DOCK9: variants seen among roughly 807,000 people sequenced by gnomAD.
DOCK9 encodes the protein dedicator of cytokinesis protein 9.
DOCK9 carries 89 observed loss-of-function variants against 263.3 expected under a neutral mutation model. The observed-to-expected ratio is 0.34, with a 90% confidence interval of 0.28 to 0.40. The LOEUF (loss-of-function observed/expected upper bound fraction) is 0.40. Among genes scored for constraint, DOCK9 ranks in the 10% least tolerant of loss-of-function variants. The pLI is 1.00. For synonymous variants in DOCK9, 976 were observed against 973.1 expected (o/e 1.00, Z -0.06); for missense variants, 2,140 against 2,603.4 (o/e 0.82, Z 3.87).
chr13:98,975,880 G>C (rs1235714939), intron 1 of DOCK9, among the ~76,000 whole-genome samples: 1 of 152,208 alleles, frequency 6.6e-6, no homozygotes, highest in Non-Finnish European at 1.5e-5. Flanking sequence ...ACAATGAATA[G>C]TACTGCCACA....
At chr13:99,033,432 C>T (rs1480231828) in intron 1 of DOCK9, among the ~76,000 whole-genome samples, 1 of 152,124 alleles carries the variant, frequency 6.6e-6, no homozygotes, top group East Asian at 1.9e-4. Context: ...CATGCATGAG[C>T]GGGAATGCCC....
In DOCK9 at chr13:98,843,007, C is replaced by T. The variant is rs563654246; in HGVS notation, c.4198+2917G>A. 3.9e-5 allele frequency among the ~76,000 whole-genome samples: 6 copies of T among 152,326 alleles called. No individual in the cohort carries two copies. In the South Asian group the frequency reaches 8.3e-4, roughly 21 times the overall value. ...TGCGTGTGGTGCCTTCTTCCATGTCCTGTTACCAGTGGTGATGGGGACAGA... is the reference window on the plus strand; with the variant it reads ...TGCGTGTGGTGCCTTCTTCCATGTCTTGTTACCAGTGGTGATGGGGACAGA... On this transcript the variant is annotated intron_variant, in intron 38 of 52. Coordinates refer to ENST00000682017, the MANE Select transcript of DOCK9 (RefSeq NM_001366683.2).
intron 1 of DOCK9, 38 bp downstream of exon 1, chr13:98,977,746 G>A (rs1222180354): frequency 6.2e-7 from 1 of 1,603,670 alleles, no homozygotes; most frequent in Non-Finnish European, 8.5e-7. Context: ...ACCCAGCATT[G>A]GGTAGACACA....
chr13:99,054,330 G>C (rs2040828261), intron 1 of DOCK9, among the ~76,000 whole-genome samples: 1 of 152,150 alleles, frequency 6.6e-6, no homozygotes, highest in Non-Finnish European at 1.5e-5. Flanking sequence ...AATTTGAAAG[G>C]TGGGCTTCCA....
At chr13:98,928,363 G>C (rs2053377622) in intron 3 of DOCK9, among the ~76,000 whole-genome samples, 2 of 152,162 alleles carry the variant, frequency 1.3e-5, no homozygotes, top group African/African-American at 4.8e-5. Context: ...TAAGCCATTA[G>C]GTCATTCCCT....
chr13:98,942,013 T>C (rs1233999600), intron 2 of DOCK9, among the ~76,000 whole-genome samples: 1 of 152,186 alleles, frequency 6.6e-6, no homozygotes, highest in African/African-American at 2.4e-5. Context: ...TTATCACTTA[T>C]GAAAGGATCA....
At chr13:98,995,523 C>A (rs1251225891) in intron 1 of DOCK9, among the ~76,000 whole-genome samples, 1 of 138,964 alleles carries the variant, frequency 7.2e-6, no homozygotes, top group Non-Finnish European at 1.5e-5. Flanking sequence ...GAGTCTCGCT[C>A]TGTCCCCCAG....
chr13:98,972,251 G>C (rs1042350934), intron 1 of DOCK9, among the ~76,000 whole-genome samples: 10 of 152,196 alleles, frequency 6.6e-5, no homozygotes, highest in African/African-American at 2.4e-4. Flanking sequence ...GCACAGAGCA[G>C]GGAACCATAT....
intron 7 of DOCK9, among the ~76,000 whole-genome samples, chr13:98,920,374 T>C (rs148768794): frequency 2.0e-5 from 3 of 152,344 alleles, no homozygotes; most frequent in Non-Finnish European, 4.4e-5. Context: ...CTAAGCTTTT[T>C]ACATGTGTAA....
At chr13:98,887,125 T>TTATATATATATA (rs1160298057) in intron 18 of DOCK9, among the ~76,000 whole-genome samples, 27 of 102,528 alleles carry the variant, frequency 2.6e-4, no homozygotes, top group South Asian at 1.2e-3. Context: ...ATACTATATT[T>TTATATATATATA]TATATATATA....
chr13:99,077,839 C>T (rs190078608), intron 1 of DOCK9, among the ~76,000 whole-genome samples: 1 of 152,198 alleles, frequency 6.6e-6, no homozygotes, highest in African/African-American at 2.4e-5. Flanking sequence ...GAACTAGGCT[C>T]CCAGCCCACA....
chr13:98,907,242 C>G (rs1256314898), intron 9 of DOCK9, among the ~76,000 whole-genome samples: 4 of 152,182 alleles, frequency 2.6e-5, no homozygotes, highest in South Asian at 2.1e-4. Flanking sequence ...TGCAAGCCAC[C>G]ACCAACAGTT....
intron 1 of DOCK9, among the ~76,000 whole-genome samples, chr13:98,983,617 A>AT (rs201942759): frequency 0.097 from 13,905 of 143,682 alleles, 1,068 homozygotes; most frequent in East Asian, 0.4. Context: ...AATTATTATT[A>AT]TTATTATTTT....
intron 1 of DOCK9, among the ~76,000 whole-genome samples, chr13:98,972,423 T>C (rs1246575633): frequency 2.6e-4 from 8 of 30,812 alleles, no homozygotes; most frequent in Non-Finnish European, 5.1e-4. Context: ...GCGATTTTAG[T>C]TTCTATACAC....
chr13:98,957,048 G>T (rs906105089), intron 1 of DOCK9, among the ~76,000 whole-genome samples: 1 of 152,000 alleles, frequency 6.6e-6, no homozygotes, highest in Non-Finnish European at 1.5e-5. Flanking sequence ...AATTTTATTC[G>T]AGTGGAAAAG....
intron 35 of DOCK9, among the ~76,000 whole-genome samples, chr13:98,850,385 T>G (rs892813263): frequency 2.6e-5 from 4 of 152,248 alleles, no homozygotes; most frequent in Admixed American, 6.5e-5. Context: ...CTCATTTAAC[T>G]TATTCGTAAC....
chr13:99,076,324 T>C (rs774608898), intron 1 of DOCK9, among the ~76,000 whole-genome samples: 1 of 152,224 alleles, frequency 6.6e-6, no homozygotes, highest in Non-Finnish European at 1.5e-5. Context: ...AAGAGTTAGA[T>C]CAGTGTCTTC....
chr13:98,938,365 T>C (rs1178247030), intron 2 of DOCK9, among the ~76,000 whole-genome samples: 3 of 152,230 alleles, frequency 2.0e-5, no homozygotes, highest in Non-Finnish European at 4.4e-5. Flanking sequence ...ACTTTCCACA[T>C]CCACAGAACA....
intron 2 of DOCK9, among the ~76,000 whole-genome samples, chr13:98,951,658 T>C (rs2057426323): frequency 6.6e-6 from 1 of 152,188 alleles, no homozygotes; most frequent in South Asian, 2.1e-4. Context: ...AAAGTTTCTG[T>C]GGACTTAAAT....
Sources: gnomAD v4.1 joint callset for allele counts (sites outside exome capture counted in the v4.1 genomes callset) on GRCh38, gnomAD v4.1.1 for gene constraint, MANE v1.5 for transcripts, NCBI Gene and HGNC (gene_info 2026-07-23, HGNC 2026-07-21) for gene names.